The following FBLN1 variants were observed in gnomAD, a reference collection of about 807,000 sequenced individuals.
FBLN1 encodes fibulin 1, also known as fibulin-1.
Under a neutral mutation model 89.7 loss-of-function variants are expected in FBLN1, and 34 were observed. The ratio of observed to expected loss-of-function variants is 0.38; its 90% CI spans 0.29 to 0.50. FBLN1 has a LOEUF of 0.50. Ranked by LOEUF, FBLN1 falls within the 20% of genes least tolerant of loss-of-function variation. The pLI, the probability that FBLN1 is intolerant of heterozygous loss-of-function variation, is 0.92. For synonymous variants in FBLN1, 393 were observed against 391.3 expected, an observed-to-expected ratio of 1.00 and a Z score of -0.05; for missense variants, 777 against 988.1, an observed-to-expected ratio of 0.79 and a Z score of 2.86.
At chr22:45,595,288 G>A (rs1364943271) in intron 16 of FBLN1, among the ~76,000 whole-genome samples, 2 of 152,204 alleles carry the variant, frequency 1.3e-5, no homozygotes, top group East Asian at 3.8e-4. Flanking sequence ...GAGGGATAGA[G>A]AAGCGGATTT....
chr22:45,579,006 G>A lies in FBLN1; in HGVS notation c.1972+1898G>A, dbSNP rs1308728664. On this transcript the variant is annotated intron_variant, in intron 16 of 16. Coordinates refer to ENST00000327858, the MANE Select transcript of FBLN1 (RefSeq NM_006486.3). This position sits in a 1 kb window ranked among gnomAD's most constrained non-coding sequence, Gnocchi z 5.5. ...GCCGAAATAGGCATGCACAGAGACAGGCCTTGATGGCCTGTGGAGGCTCTC... is the reference window on the plus strand; with the variant it reads ...GCCGAAATAGGCATGCACAGAGACAAGCCTTGATGGCCTGTGGAGGCTCTC... 6.6e-6 allele frequency among the ~76,000 whole-genome samples: 1 copy of A among 152,242 alleles called. No homozygotes were observed. The highest frequency in any genetic ancestry group is 1.5e-5 in the Non-Finnish European group (1 of 68,038).
At chr22:45,553,037 A>G (rs1281698386) in intron 14 of FBLN1, among the ~76,000 whole-genome samples, 2 of 152,188 alleles carry the variant, frequency 1.3e-5, no homozygotes, top group African/African-American at 4.8e-5. Flanking sequence ...AGGGTGTAAC[A>G]CGGTGGACGG....
In FBLN1 at chr22:45,532,877, G is replaced by C. The variant is rs6007082; in HGVS notation, c.545-186G>C. On this transcript the variant is annotated intron_variant, in intron 5 of 16. Transcript: ENST00000327858. The surrounding 1 kb of genome is among the most constrained non-coding windows in gnomAD (Gnocchi z 4.2). ...TTGGGACCTGAAGCAGCAGCCCCTG[G>C]GGGGTGTCCAGAGCCAGAGCCTGGG... is the stretch of plus-strand genomic sequence containing the variant. 4,857 of 636,520 alleles carry C rather than the reference G, an allele frequency of 7.6e-3. 157 individuals carry two copies. In the African/African-American group the frequency reaches 0.079, roughly 10 times the overall value. 39.4% of individuals were successfully genotyped at this position (636,520 alleles called of 1,614,324 possible). A position where few individuals can be genotyped will look rare whatever the true frequency, so the allele number is the denominator to read the frequency against.
intron 16 of FBLN1, among the ~76,000 whole-genome samples, chr22:45,585,717 C>T (rs898498442): frequency 5.3e-5 from 8 of 152,118 alleles, no homozygotes; most frequent in Admixed American, 5.2e-4. Flanking sequence ...GGGGTGTCAC[C>T]GAGGGTTCCA....
intron 16 of FBLN1, among the ~76,000 whole-genome samples, chr22:45,598,171 C>T (rs935953852): frequency 3.3e-5 from 5 of 152,352 alleles, no homozygotes; most frequent in East Asian, 1.9e-4. Context: ...GCTCCATATT[C>T]GCTCTTCACA....
chr22:45,510,619 T>C (rs2088086503), intron 1 of FBLN1, among the ~76,000 whole-genome samples: 1 of 152,134 alleles, frequency 6.6e-6, no homozygotes, highest in Non-Finnish European at 1.5e-5. Flanking sequence ...CTGCGATGTT[T>C]ACAGCTAGCA....
chr22:45,551,417 A>G (rs2088699382), intron 14 of FBLN1, among the ~76,000 whole-genome samples: 1 of 152,210 alleles, frequency 6.6e-6, no homozygotes, highest in African/African-American at 2.4e-5. Flanking sequence ...GCTCTTGGCC[A>G]GCTGCCCCCG....
intron 12 of FBLN1, among the ~76,000 whole-genome samples, chr22:45,547,445 G>C (rs1384302334): frequency 1.4e-5 from 2 of 144,756 alleles, no homozygotes; most frequent in Admixed American, 7.2e-5. Flanking sequence ...GCCCAGGCTG[G>C]AGTGATATGG....
Position 45,556,264 on chromosome 22 carries a change from G to A in FBLN1, c.1697+5649G>A, listed in dbSNP as rs2088786913. On this transcript the variant is annotated intron_variant, in intron 14 of 16. Transcript: ENST00000327858. The surrounding 1 kb of genome is among the most constrained non-coding windows in gnomAD (Gnocchi z 4.6). ...TCCCGCCTCGGCCTCCCAAAATGCT[G>A]GGATTACAGTCGTGAGCCACAGCAC... Among the ~76,000 whole-genome samples the A allele has an allele frequency of 6.6e-6, 1 of 152,176 alleles. No homozygotes were observed. The highest frequency in any genetic ancestry group is 6.5e-5 in the Admixed American group (1 of 15,278).
At position 45,547,304 on chromosome 22, in the gene FBLN1, G is replaced by T. The variant is rs924058406; in HGVS notation, c.1441+100G>T. On this transcript the variant is annotated intron_variant, in intron 12 of 16. Transcript: ENST00000327858. ...TTTCAAAATCCACAGGGAAGAGCCTGCTGGGATTTCTTCACCTGACAAACC... is the reference window on the plus strand; with the variant it reads ...TTTCAAAATCCACAGGGAAGAGCCTTCTGGGATTTCTTCACCTGACAAACC... The T allele has an allele frequency of 5.9e-6, 9 of 1,527,532 alleles. No homozygotes were observed. In the African/African-American group the frequency reaches 9.6e-5, roughly 16 times the overall value. The allele number at this position is 1,527,532 out of a possible 1,614,324, so 94.6% of individuals were successfully genotyped here.
chr22:45,565,335 C>T (rs1371889058), intron 14 of FBLN1: 3 of 1,193,188 alleles, frequency 2.5e-6, no homozygotes, highest in East Asian at 5.5e-5. Context: ...TTGAGCTGCA[C>T]CTGCCCCACC....
At chr22:45,504,551 C>T (rs1181364132) in intron 1 of FBLN1, among the ~76,000 whole-genome samples, 1 of 152,056 alleles carries the variant, frequency 6.6e-6, no homozygotes, top group Non-Finnish European at 1.5e-5. Flanking sequence ...GTGGGACATC[C>T]GAGACTCCTG....
rs911680938 is a variant in FBLN1 at position 45,574,247 on chromosome 22, G to A, written c.1698-264G>A. Among the ~76,000 whole-genome samples the A allele has an allele frequency of 1.3e-5, 2 of 152,224 alleles. No homozygotes were observed. The highest frequency in any genetic ancestry group is 2.9e-5 in the Non-Finnish European group (2 of 68,044). On this transcript the variant is annotated intron_variant, in intron 14 of 16. Transcript: ENST00000327858. The surrounding 1 kb of genome is among the most constrained non-coding windows in gnomAD (Gnocchi z 4.1). ...TGCTCAATTCGTGCAGTTGACAAAT[G>A]TCCAAGCTGTGCTTATCCGCCAGGG...
intron 3 of FBLN1, 56 bp from the exon 4 acceptor site, chr22:45,527,791 A>T: frequency 3.1e-6 from 5 of 1,605,202 alleles, no homozygotes; most frequent in Non-Finnish European, 4.3e-6. Flanking sequence ...CCTCTCGTGG[A>T]CCCCGCTGGG....
chr22:45,523,438 C>T (rs2088277958), intron 2 of FBLN1, among the ~76,000 whole-genome samples: 1 of 152,214 alleles, frequency 6.6e-6, no homozygotes, highest in Admixed American at 6.5e-5. Context: ...CGCAGTGGCT[C>T]ACGCCTATAA....
rs6006770 is a variant in FBLN1, at chr22:45,531,967, A to C, written c.544+643A>C. On this transcript the variant is annotated intron_variant, in intron 5 of 16. Transcript: ENST00000327858. The surrounding 1 kb of genome is among the most constrained non-coding windows in gnomAD (Gnocchi z 4.9). ...ACCATTGGTGATATTCATTTGCCTC[A>C]CAGGGAGATGTCTGCACATTTAACT... Among the ~76,000 whole-genome samples, 7,434 of 152,292 alleles carry C rather than the reference A, an allele frequency of 0.049. 599 individuals are homozygous for C. The highest frequency in any genetic ancestry group is 0.17 in the African/African-American group (7,087 of 41,524).
chr22:45,568,912 G>T (rs576995199), intron 14 of FBLN1, among the ~76,000 whole-genome samples: 24 of 152,226 alleles, frequency 1.6e-4, no homozygotes, highest in Non-Finnish European at 2.8e-4. Context: ...GTGATCATTG[G>T]TGTTCCTTGG....
rs1251290699 is a variant in FBLN1 at position 45,563,231 on chromosome 22, G to A, written c.1698-11280G>A. On this transcript the variant is annotated intron_variant, in intron 14 of 16. Coordinates refer to ENST00000327858, the MANE Select transcript of FBLN1 (RefSeq NM_006486.3). This position sits in a 1 kb window ranked among gnomAD's most constrained non-coding sequence, Gnocchi z 5.7. ...CCACGGCACCGTCAGCTCCTTTGTG[G>A]CCAAGCTTTTCATCTTTGTGTCTGC... 2 of 1,613,776 alleles carry A rather than the reference G, an allele frequency of 1.2e-6. No homozygotes were observed. The highest frequency in any genetic ancestry group is 1.7e-5 in the Admixed American group (1 of 60,028).
Position 45,556,050 on chromosome 22 carries a change from T to C in FBLN1, c.1697+5435T>C, listed in dbSNP as rs2147002950. Among the ~76,000 whole-genome samples the C allele has an allele frequency of 6.6e-6, 1 of 152,304 alleles. No individual in the cohort carries two copies. The highest frequency in any genetic ancestry group is 1.5e-5 in the Non-Finnish European group (1 of 68,020). On this transcript the variant is annotated intron_variant, in intron 14 of 16. Transcript: ENST00000327858. The surrounding 1 kb of genome is among the most constrained non-coding windows in gnomAD (Gnocchi z 4.6). Reference sequence around the variant, plus strand: ...TCCCTCTGTTGCCGAGGCTGAAGTGTGGTGGTGTGATTTTGTCTCACCGCA... The same window carrying C: ...TCCCTCTGTTGCCGAGGCTGAAGTGCGGTGGTGTGATTTTGTCTCACCGCA...
Sources: allele counts gnomAD v4.1 joint callset (sites outside exome capture counted in the v4.1 genomes callset), GRCh38; gene constraint gnomAD v4.1.1; non-coding constraint Gnocchi (gnomAD v3.1); transcripts MANE v1.5; gene names NCBI Gene and HGNC (gene_info 2026-07-23, HGNC 2026-07-21).